Variants in IRF6 observed in about 807,000 individuals in gnomAD.
IRF6 encodes Van der Woude syndrome.
IRF6 carries 6 observed loss-of-function variants against 51.4 expected under a neutral mutation model. The ratio of observed to expected loss-of-function variants is 0.12; its 90% CI spans 0.06 to 0.23. The LOEUF is 0.23. Ranked by LOEUF, IRF6 falls within the 10% of genes least tolerant of loss-of-function variation. IRF6 has a pLI of 1.00. For synonymous variants in IRF6, 178 were observed against 215.7 expected, an observed-to-expected ratio of 0.83 and a Z score of 1.53; for missense variants, 348 against 585.2, an observed-to-expected ratio of 0.59 and a Z score of 4.18.
At chr1:209,795,539 C>G in intron 4 of IRF6, 121 bp from the exon 5 acceptor site, 2 of 1,414,646 alleles carry the variant, frequency 1.4e-6, no homozygotes, top group Non-Finnish European at 1.9e-6. Flanking sequence ...AGTACACACC[C>G]TCAATGTCCT....
intron 3 of IRF6, among the ~76,000 whole-genome samples, chr1:209,800,438 T>G (rs998531856): frequency 6.6e-6 from 1 of 152,198 alleles, no homozygotes; most frequent in Non-Finnish European, 1.5e-5. Flanking sequence ...GCCCCAGTTA[T>G]AGATGGGGCG....
intron 1 of IRF6, among the ~76,000 whole-genome samples, chr1:209,802,568 T>C (rs143240209): frequency 6.6e-6 from 1 of 152,344 alleles, no homozygotes; most frequent in East Asian, 1.9e-4. Flanking sequence ...TCAACAAATA[T>C]TTGTTCATCA....
At chr1:209,789,569 A>G in intron 8 of IRF6, 98 bp downstream of exon 8, 1 of 864,550 alleles carries the variant, frequency 1.2e-6, no homozygotes, top group Non-Finnish European at 2.0e-6. Context: ...TGAAACCTAC[A>G]TGGGCTGATG....
chr1:209,796,634 A>AACACACACACACACACACACAC lies in IRF6; in HGVS notation c.175-104_175-83dup. 1.7e-6 allele frequency: 1 copy of AACACACACACACACACACACAC among 585,334 alleles called. No individual in the cohort carries two copies. The highest frequency in any genetic ancestry group is 1.9e-5 in the South Asian group (1 of 54,024). 36.3% of individuals were successfully genotyped at this position (585,334 alleles called of 1,614,324 possible). ...GTGCTTACCCTTTCTCATAGACACA[A>AACACACACACACACACACACAC]ACACACACACACACACACACACACA... On this transcript the variant is annotated intron_variant, in intron 3 of 8. Transcript: ENST00000367021. The surrounding 1 kb of genome is among the most constrained non-coding windows in gnomAD (Gnocchi z 4.5).
intron 3 of IRF6, among the ~76,000 whole-genome samples, chr1:209,798,628 A>G (rs1367868401): frequency 6.6e-6 from 1 of 152,144 alleles, no homozygotes; most frequent in Non-Finnish European, 1.5e-5. Context: ...TCAAGAAAGG[A>G]GGCCAGGCGC....
rs1396645410 is a variant in IRF6 at position 209,795,193 on chromosome 1, GC to G, written c.508+96del. 19 of 1,397,704 alleles carry G rather than the reference GC, an allele frequency of 1.4e-5. No individual in the cohort carries two copies. In the African/African-American group the frequency reaches 2.5e-4, roughly 19 times the overall value. 86.6% of individuals were successfully genotyped at this position (1,397,704 alleles called of 1,614,324 possible). ...CAGTCTGGCTGCAGGGACTGATCCT[GC>G]TTTCAGGGCAGTGGTGGCCAATGTA... On this transcript the variant is annotated intron_variant, in intron 5 of 8. Transcript: ENST00000367021.
chr1:209,794,897 G>A (rs2077891409), intron 5 of IRF6, among the ~76,000 whole-genome samples: 3 of 152,182 alleles, frequency 2.0e-5, no homozygotes, highest in Non-Finnish European at 4.4e-5. Context: ...TGAAGGAAGT[G>A]ACACAGAATT....
At chr1:209,801,439 T>C in intron 2 of IRF6, 23 bp from the exon 3 acceptor site, 2 of 1,550,116 alleles carry the variant, frequency 1.3e-6, no homozygotes, top group Non-Finnish European at 1.7e-6. Context: ...GAGGGAGAAA[T>C]GGGAAGAGCA....
In IRF6 at chr1:209,795,306, G is replaced by A. The variant is rs2077893880; in HGVS notation, c.492C>T (p.Pro164=). 6.2e-7 allele frequency: 1 copy of A among 1,614,212 alleles called. No individual in the cohort carries two copies. The highest frequency in any genetic ancestry group is 8.5e-7 in the Non-Finnish European group (1 of 1,180,024). ...QHHVPIQDTF[P]FLNINGSPMA... ...CCCACTCACCATTGATGTTCAGGAA[G>A]GGGAAGGTGTCCTGGATGGGAACAT... The change falls in exon 5 of 9, where the codon CCC becomes CCT. Residue 164 remains proline (P), a synonymous_variant. Coordinates refer to ENST00000367021, the MANE Select transcript of IRF6 (RefSeq NM_006147.4).
chr1:209,794,750 C>T (rs774356054), intron 5 of IRF6, among the ~76,000 whole-genome samples: 1 of 152,188 alleles, frequency 6.6e-6, no homozygotes, highest in Non-Finnish European at 1.5e-5. Context: ...AAGCTCCCAA[C>T]TCAATTTTCC....
Position 209,790,845 on chromosome 1 carries a change from T to C in IRF6, c.710A>G (p.Tyr237Cys). ...GTTGCTCACGGTCATGGTCTGCCCG[T>C]ACTCCTTCCCACGGTACTGAAACTT... ...DIKFQYRGKE[Y>C]GQTMTVSNPQ... The change falls in exon 7 of 9, where the codon TAC (tyrosine) becomes TGC (cysteine). Residue 237 changes from tyrosine to cysteine, a missense_variant. By Grantham distance (194) the Tyr-to-Cys change is radical. Transcript: ENST00000367021. The surrounding 1 kb of genome is among the most constrained non-coding windows in gnomAD (Gnocchi z 4.8). The C allele has an allele frequency of 6.2e-7, 1 of 1,613,418 alleles. No homozygotes were observed. Among genetic ancestry groups the C allele is most frequent in the South Asian group, 1.1e-5 (1 of 91,044 alleles).
intron 2 of IRF6, 55 bp from the exon 3 acceptor site, chr1:209,801,471 G>T: frequency 7.1e-7 from 1 of 1,416,348 alleles, no homozygotes. Flanking sequence ...CCAGCCACTG[G>T]GAACCCTTCC....
chr1:209,800,802 ATACC>A (rs1330398416), intron 3 of IRF6, among the ~76,000 whole-genome samples: 4 of 152,170 alleles, frequency 2.6e-5, no homozygotes, highest in African/African-American at 9.7e-5. Flanking sequence ...AGAGCCCTCT[ATACC>A]AATCACATAG....
intron 3 of IRF6, among the ~76,000 whole-genome samples, chr1:209,797,702 A>C (rs2102544276): frequency 6.6e-6 from 1 of 152,304 alleles, no homozygotes; most frequent in South Asian, 2.1e-4. Flanking sequence ...CAAGTCATAG[A>C]CCAAGGTGCT....
Position 209,796,206 on chromosome 1 carries a change from G to A in IRF6, c.379+142C>T. 1.4e-6 allele frequency: 1 copy of A among 696,928 alleles called. No individual in the cohort carries two copies. Among genetic ancestry groups the A allele is most frequent in the South Asian group, 1.9e-5 (1 of 53,840 alleles). The allele number at this position is 696,928 out of a possible 1,614,324, so 43.2% of individuals were successfully genotyped here. The stretch of plus-strand genomic sequence containing the variant: ...GCTGAGTCTGCATCTTTTGTTTTCT[G>A]GGTCCTTCCCAGAGAAAGGCTTTCT... On this transcript the variant is annotated intron_variant, in intron 4 of 8. Transcript: ENST00000367021. This position sits in a 1 kb window ranked among gnomAD's most constrained non-coding sequence, Gnocchi z 4.5.
At chr1:209,794,832 T>A (rs905671184) in intron 5 of IRF6, among the ~76,000 whole-genome samples, 8 of 152,204 alleles carry the variant, frequency 5.3e-5, no homozygotes, top group Non-Finnish European at 1.2e-4. Context: ...CCAAGTACTA[T>A]CAGCTACAGA....
At chr1:209,799,718 G>A (rs1289915136) in intron 3 of IRF6, among the ~76,000 whole-genome samples, 2 of 152,238 alleles carry the variant, frequency 1.3e-5, no homozygotes, top group African/African-American at 2.4e-5. Flanking sequence ...AGCAAATCCA[G>A]TTTCAGACCA....
At position 209,801,182 on chromosome 1, in the gene IRF6, C is replaced by A. The variant is rs900108619; in HGVS notation, c.174+58G>T. 3.8e-3 allele frequency: 3,938 copies of A among 1,032,146 alleles called. 4 individuals are homozygous for A. The highest frequency in any genetic ancestry group is 4.8e-3 in the Non-Finnish European group (3,564 of 735,100). The allele number at this position is 1,032,146 out of a possible 1,614,324, so 63.9% of individuals were successfully genotyped here. ...TTTTAGATCTAGTGTATTCCCCATG[C>A]CAAAAAAAAAAAAAAAAAAAAATCC... On this transcript the variant is annotated intron_variant, in intron 3 of 8. Coordinates refer to ENST00000367021, the MANE Select transcript of IRF6 (RefSeq NM_006147.4).
At chr1:209,793,981 A>G (rs1034485599) in intron 5 of IRF6, among the ~76,000 whole-genome samples, 4 of 152,172 alleles carry the variant, frequency 2.6e-5, no homozygotes, top group Non-Finnish European at 4.4e-5. Flanking sequence ...ATTGATGGGC[A>G]TTTAATTTGA....
Sources: gnomAD v4.1 joint callset for allele counts (sites outside exome capture counted in the v4.1 genomes callset) on GRCh38, gnomAD v4.1.1 for gene constraint, Gnocchi (gnomAD v3.1) non-coding constraint, MANE v1.5 for transcripts, NCBI Gene and HGNC (gene_info 2026-07-23, HGNC 2026-07-21) for gene names.